SSPN: variants seen among roughly 807,000 people sequenced by gnomAD.
The protein encoded by SSPN is sarcospan.
In SSPN, 15 loss-of-function variants were observed where a neutral mutation model predicts 19.1. That is an observed-to-expected ratio of 0.78 (90% confidence interval 0.52 to 1.21). The LOEUF (loss-of-function observed/expected upper bound fraction) is 1.21. SSPN is among the 50% of genes most tolerant of loss of function. The probability of loss-of-function intolerance (pLI) is 0.00; values close to 1 mark genes in which losing one functional copy is unlikely to be tolerated. For missense variants in SSPN, 291 were observed against 314.0 expected (o/e 0.93, Z 0.55); for synonymous variants, 147 against 140.3 (o/e 1.05, Z -0.34).
chr12:26,215,014 C>G (rs1213688959), intron 1 of SSPN, among the ~76,000 whole-genome samples: 1 of 152,168 alleles, frequency 6.6e-6, no homozygotes, highest in Non-Finnish European at 1.5e-5. Flanking sequence ...TGCTCATATT[C>G]ACATCTGGCA....
chr12:26,157,407 AC>A (rs574324579), intron 1 of SSPN, among the ~76,000 whole-genome samples: 2 of 152,330 alleles, frequency 1.3e-5, no homozygotes, highest in Admixed American at 6.5e-5. Context: ...TTGGTTTTAT[AC>A]ATAAGCATTT....
At chr12:26,206,699 T>A (rs773537066) in intron 1 of SSPN, among the ~76,000 whole-genome samples, 1 of 152,240 alleles carries the variant, frequency 6.6e-6, no homozygotes, top group Middle Eastern at 3.4e-3. Context: ...ACAAATAAAC[T>A]ATAGGTTGTT....
chr12:26,150,553 CAGAAGCCAAA>C (rs781386425), intron 1 of SSPN, among the ~76,000 whole-genome samples: 34,758 of 151,648 alleles, frequency 0.23, 4,126 homozygotes, highest in East Asian at 0.31. Context: ...GCTTTTAAAA[CAGAAGCCAAA>C]TGAAAAGCAT....
chr12:26,214,584 T>A (rs1945026577), intron 1 of SSPN: 1 of 152,246 alleles, frequency 6.6e-6, no homozygotes, highest in Admixed American at 6.5e-5. Context: ...AATGCCCATG[T>A]TCTTACCACT....
At chr12:26,172,025 A>G (rs1944656387) in intron 1 of SSPN, among the ~76,000 whole-genome samples, 1 of 152,194 alleles carries the variant, frequency 6.6e-6, no homozygotes, top group Admixed American at 6.5e-5. Context: ...CATATGCAAT[A>G]ATGTGTGCAA....
At chr12:26,226,289 T>C (rs1203417653) in intron 2 of SSPN, among the ~76,000 whole-genome samples, 1 of 152,150 alleles carries the variant, frequency 6.6e-6, no homozygotes, top group Non-Finnish European at 1.5e-5. Flanking sequence ...AGGCATAACA[T>C]GCATCTTCAT....
chr12:26,204,630 A>G (rs1591879775), intron 1 of SSPN, among the ~76,000 whole-genome samples: 1 of 151,614 alleles, frequency 6.6e-6, no homozygotes, highest in Admixed American at 6.6e-5. Flanking sequence ...GGCACCCCCC[A>G]CCCGCCCTTT....
At chr12:26,144,092 A>G (rs1944476027) in intron 1 of SSPN, among the ~76,000 whole-genome samples, 1 of 152,212 alleles carries the variant, frequency 6.6e-6, no homozygotes, top group Non-Finnish European at 1.5e-5. Context: ...TAAAGTACAC[A>G]ATAAATGTAA....
chr12:26,144,747 T>C (rs1944479942), intron 1 of SSPN, among the ~76,000 whole-genome samples: 1 of 152,214 alleles, frequency 6.6e-6, no homozygotes, highest in South Asian at 2.1e-4. Context: ...TCGGTAAATA[T>C]TTGTTGAAAG....
intron 1 of SSPN, among the ~76,000 whole-genome samples, chr12:26,208,620 G>A (rs7960591): frequency 0.99 from 151,240 of 152,086 alleles, 75,202 homozygotes; most frequent in Middle Eastern, 1. Context: ...TGGATTTGAT[G>A]TAGTTTAAAG....
chr12:26,145,843 C>A (rs749943286), intron 1 of SSPN, among the ~76,000 whole-genome samples: 1 of 152,172 alleles, frequency 6.6e-6, no homozygotes, highest in Admixed American at 6.5e-5. Context: ...AACAAGACTC[C>A]TCATGCCCCG....
chr12:26,172,416 T>A (rs1944658697), intron 1 of SSPN, among the ~76,000 whole-genome samples: 1 of 152,214 alleles, frequency 6.6e-6, no homozygotes, highest in Non-Finnish European at 1.5e-5. Context: ...CCATCACAAC[T>A]CTGCATAATA....
intron 1 of SSPN, chr12:26,123,162 C>A: frequency 6.3e-7 from 1 of 1,590,752 alleles, no homozygotes. Flanking sequence ...TTTCAGAGAT[C>A]GCTCCCCTAG....
intron 1 of SSPN, among the ~76,000 whole-genome samples, chr12:26,133,737 G>A (rs77676870): frequency 1.3e-5 from 2 of 152,226 alleles, no homozygotes; most frequent in Non-Finnish European, 2.9e-5. Context: ...GCTGCCAGGG[G>A]AGAAATATGG....
At chr12:26,170,506 A>G (rs569297789) in intron 1 of SSPN, among the ~76,000 whole-genome samples, 2 of 152,220 alleles carry the variant, frequency 1.3e-5, no homozygotes, top group Non-Finnish European at 2.9e-5. Context: ...TGAGATCCAA[A>G]CAATTGGATT....
At chr12:26,135,334 A>G (rs1408485196) in intron 1 of SSPN, among the ~76,000 whole-genome samples, 1 of 152,142 alleles carries the variant, frequency 6.6e-6, no homozygotes, top group Non-Finnish European at 1.5e-5. Flanking sequence ...GCACTGTGCC[A>G]GGATGTAGGA....
intron 2 of SSPN, among the ~76,000 whole-genome samples, chr12:26,229,209 T>C (rs1481875333): frequency 6.6e-6 from 1 of 152,078 alleles, no homozygotes; most frequent in Non-Finnish European, 1.5e-5. Context: ...ATCTAAAGAA[T>C]CCATGATACT....
chr12:26,124,707 G>A (rs763515356), intron 1 of SSPN: 33 of 1,613,872 alleles, frequency 2.0e-5, no homozygotes, highest in Non-Finnish European at 1.0e-5. Context: ...GCAAGGGTGC[G>A]TGCACCTTAC....
At chr12:26,201,506 T>C (rs1944885130) in intron 1 of SSPN, among the ~76,000 whole-genome samples, 1 of 150,356 alleles carries the variant, frequency 6.7e-6, no homozygotes. Context: ...GCAGGAGAAA[T>C]GTGTTTTCGC....
Sources: gnomAD v4.1 joint callset for allele counts (sites outside exome capture counted in the v4.1 genomes callset) on GRCh38, gnomAD v4.1.1 for gene constraint, MANE v1.5 for transcripts, NCBI Gene and HGNC (gene_info 2026-07-23, HGNC 2026-07-21) for gene names.